BORCS5: variants seen among roughly 807,000 people sequenced by gnomAD.
The protein encoded by BORCS5 is BLOC-1 related complex subunit 5, also known as BLOC-1-related complex subunit 5.
In BORCS5, 17 loss-of-function variants were observed where a neutral mutation model predicts 22.1. That is an observed-to-expected ratio of 0.77 (90% CI 0.53 to 1.15). BORCS5 has a LOEUF of 1.15. Among genes scored for constraint, BORCS5 ranks in the 50% most tolerant of loss-of-function variants. BORCS5 has a pLI of 0.00. For synonymous variants in BORCS5, 117 were observed against 99.8 expected (o/e 1.17, Z -1.03); for missense variants, 247 against 253.2 (o/e 0.98, Z 0.17).
intron 2 of BORCS5, among the ~76,000 whole-genome samples, chr12:12,409,345 A>T (rs939009062): frequency 6.6e-6 from 1 of 152,002 alleles, no homozygotes; most frequent in Non-Finnish European, 1.5e-5. Flanking sequence ...AGCATTAGGT[A>T]TATCTCCAAA....
chr12:12,357,471 C>G lies in BORCS5; in HGVS notation c.20C>G (p.Ser7Cys), dbSNP rs1312760343. ...GGCACCATGGGCAGTGAGCAGAGCTCCGAGGCCGAGAGCCGACCCAACGAT... is the reference window on the plus strand; with the variant it reads ...GGCACCATGGGCAGTGAGCAGAGCTGCGAGGCCGAGAGCCGACCCAACGAT... Reference protein sequence around the residue: MGSEQSSEAESRPNDLN... With the variant: MGSEQSCEAESRPNDLN... The change falls in exon 1 of 4, where the codon TCC (serine) becomes TGC (cysteine). Residue 7 changes from serine to cysteine, a missense_variant. Transcript: ENST00000314565. The G allele has an allele frequency of 6.2e-7, 1 of 1,611,138 alleles. No homozygotes were observed. Among genetic ancestry groups the G allele is most frequent in the African/African-American group, 1.3e-5 (1 of 74,842 alleles).
chr12:12,416,779 CTTTTTTTTT>C (rs36106735), intron 2 of BORCS5, among the ~76,000 whole-genome samples: 3 of 112,224 alleles, frequency 2.7e-5, no homozygotes, highest in East Asian at 4.7e-4. Flanking sequence ...TTAATGTAAA[CTTTTTTTTT>C]TTTTTTTTTT....
At chr12:12,362,584 G>A (rs912312471) in intron 2 of BORCS5, among the ~76,000 whole-genome samples, 9 of 144,188 alleles carry the variant, frequency 6.2e-5, no homozygotes, top group African/African-American at 2.3e-4. Flanking sequence ...GTTAGACTTT[G>A]GTAAACATTC....
At chr12:12,396,345 G>C (rs1175406469) in intron 2 of BORCS5, among the ~76,000 whole-genome samples, 1 of 152,200 alleles carries the variant, frequency 6.6e-6, no homozygotes, top group Non-Finnish European at 1.5e-5. Context: ...AGTAGGAGCC[G>C]TTTCACTGAT....
intron 2 of BORCS5, among the ~76,000 whole-genome samples, chr12:12,421,420 A>C (rs1023718915): frequency 1.3e-5 from 2 of 152,132 alleles, no homozygotes; most frequent in African/African-American, 4.8e-5. Flanking sequence ...GTGGTAGGTA[A>C]GCTTTTTGAT....
chr12:12,407,685 C>T (rs1033965959), intron 2 of BORCS5, among the ~76,000 whole-genome samples: 8 of 151,542 alleles, frequency 5.3e-5, no homozygotes, highest in African/African-American at 1.7e-4. Flanking sequence ...CTTATTTTCG[C>T]CATGAATTTT....
At chr12:12,457,669 C>A (rs1195476884) in intron 3 of BORCS5, among the ~76,000 whole-genome samples, 2 of 152,182 alleles carry the variant, frequency 1.3e-5, no homozygotes, top group Admixed American at 1.3e-4. Context: ...CCCACAAACT[C>A]TGAGTCACTC....
At chr12:12,410,743 G>GT (rs1296222507) in intron 2 of BORCS5, among the ~76,000 whole-genome samples, 3 of 152,184 alleles carry the variant, frequency 2.0e-5, no homozygotes, top group Admixed American at 1.3e-4. Context: ...CTTTCAAGTA[G>GT]TTTTTTCCAA....
intron 3 of BORCS5, among the ~76,000 whole-genome samples, chr12:12,436,471 ATAAG>A (rs1942557257): frequency 2.0e-5 from 3 of 152,356 alleles, no homozygotes; most frequent in South Asian, 4.1e-4. Flanking sequence ...GCATAAAGGA[ATAAG>A]TAAGTACATT....
chr12:12,398,200 A>G (rs1941394404), intron 2 of BORCS5, among the ~76,000 whole-genome samples: 1 of 152,192 alleles, frequency 6.6e-6, no homozygotes, highest in Non-Finnish European at 1.5e-5. Flanking sequence ...AACTGAGCAA[A>G]CGTTTTGGGA....
At position 12,461,406 on chromosome 12, in the gene BORCS5, A is replaced by C. The variant is rs774627518; in HGVS notation, c.361-4140A>C. On this transcript the variant is annotated intron_variant, in intron 3 of 3. Coordinates refer to ENST00000314565, the MANE Select transcript of BORCS5 (RefSeq NM_058169.6). ...TGGCTGCTCTTGAGTTCCTGGGCTC[A>C]AGTGGTCCTCCTACCTCAGCCTCCC... Among the ~76,000 whole-genome samples, 36 of 152,184 alleles carry C rather than the reference A, an allele frequency of 2.4e-4. 1 individual carries two copies. The highest frequency in any genetic ancestry group is 1.5e-3 in the Admixed American group (23 of 15,276).
rs920555315 is a variant in BORCS5, at chr12:12,465,931, T to G, written c.*155T>G. 3.2e-6 allele frequency: 2 copies of G among 620,428 alleles called. No individual in the cohort carries two copies. Among genetic ancestry groups the G allele is most frequent in the African/African-American group, 3.7e-5 (2 of 54,058 alleles). The allele number at this position is 620,428 out of a possible 1,614,324, so 38.4% of individuals were successfully genotyped here. A position where few individuals can be genotyped will look rare whatever the true frequency, so the allele number is the denominator to read the frequency against. ...GTCCGGCTGGCATGAAAATCTGACTTTGCCCAGCTCTTTTCCTTGATGCAG... is the reference window on the plus strand; with the variant it reads ...GTCCGGCTGGCATGAAAATCTGACTGTGCCCAGCTCTTTTCCTTGATGCAG... On this transcript the variant is annotated 3_prime_UTR_variant, in exon 4 of 4. Transcript: ENST00000314565.
intron 2 of BORCS5, among the ~76,000 whole-genome samples, chr12:12,419,196 C>T (rs1419515090): frequency 1.3e-5 from 2 of 152,166 alleles, no homozygotes; most frequent in Non-Finnish European, 2.9e-5. Flanking sequence ...CCTCCGCCAG[C>T]TCCTCACTCC....
At chr12:12,427,164 TTTC>T (rs1942306686) in intron 2 of BORCS5, among the ~76,000 whole-genome samples, 1 of 133,580 alleles carries the variant, frequency 7.5e-6, no homozygotes, top group Admixed American at 7.9e-5. Flanking sequence ...AGACTTTCTC[TTTC>T]TTTTCTTTTT....
At chr12:12,419,161 A>G (rs1050653712) in intron 2 of BORCS5, among the ~76,000 whole-genome samples, 4 of 152,130 alleles carry the variant, frequency 2.6e-5, no homozygotes, top group Non-Finnish European at 5.9e-5. Flanking sequence ...CGTCATTTAC[A>G]TTAGATATTT....
At chr12:12,465,227 CCTGA>C (rs2136165987) in intron 3 of BORCS5, among the ~76,000 whole-genome samples, 1 of 152,294 alleles carries the variant, frequency 6.6e-6, no homozygotes, top group East Asian at 1.9e-4. Flanking sequence ...TCAGCCTTGG[CCTGA>C]CTGATTTCCA....
Position 12,438,372 on chromosome 12 carries a change from A to AAAAAAC in BORCS5, c.360+2592_360+2593insCAAAAA, listed in dbSNP as rs1403964547. Reference sequence around the variant, plus strand: ...CCAGATTTCATCTCAAAAAAAAAAAAAAAAAAAACGAAAAACAACAACAAA... The same window carrying AAAAAAC: ...CCAGATTTCATCTCAAAAAAAAAAAAAAAAACAAAAAAAACGAAAAACAACAACAAA... On this transcript the variant is annotated intron_variant, in intron 3 of 3. Coordinates refer to ENST00000314565, the MANE Select transcript of BORCS5 (RefSeq NM_058169.6). Among the ~76,000 whole-genome samples, 608 of 129,810 alleles carry AAAAAAC rather than the reference A, an allele frequency of 4.7e-3. 19 individuals are homozygous for AAAAAAC. Among genetic ancestry groups the AAAAAAC allele is most frequent in the Non-Finnish European group, 7.5e-3 (484 of 64,414 alleles). The allele number at this position is 129,810 out of a possible 152,430, so 85.2% of individuals were successfully genotyped here. A position where few individuals can be genotyped will look rare whatever the true frequency, so the allele number is the denominator to read the frequency against.
intron 2 of BORCS5, among the ~76,000 whole-genome samples, chr12:12,378,112 C>T (rs973577192): frequency 6.6e-6 from 1 of 152,200 alleles, no homozygotes; most frequent in Non-Finnish European, 1.5e-5. Flanking sequence ...TGGCTCACAC[C>T]TGTAATTCCA....
rs531462505 is a variant in BORCS5 at position 12,443,391 on chromosome 12, A to G, written c.360+7606A>G. On this transcript the variant is annotated intron_variant, in intron 3 of 3. Coordinates refer to ENST00000314565, the MANE Select transcript of BORCS5 (RefSeq NM_058169.6). ...GGCATCAATTCCAGGTTGAAACCTTACAGTGTAATTATAGTTTCCCCCCTT... is the reference window on the plus strand; with the variant it reads ...GGCATCAATTCCAGGTTGAAACCTTGCAGTGTAATTATAGTTTCCCCCCTT... 2.0e-5 allele frequency among the ~76,000 whole-genome samples: 3 copies of G among 152,370 alleles called. No homozygotes were observed. The South Asian group carries it at 6.2e-4, about 32-fold the overall frequency.
Sources: allele counts gnomAD v4.1 joint callset (sites outside exome capture counted in the v4.1 genomes callset), GRCh38; gene constraint gnomAD v4.1.1; transcripts MANE v1.5; gene names NCBI Gene and HGNC (gene_info 2026-07-23, HGNC 2026-07-21).